UNK: variants seen among roughly 807,000 people sequenced by gnomAD.
UNK encodes the protein RING finger protein unkempt homolog.
A neutral mutation model predicts 97.6 loss-of-function variants in UNK; 32 were observed. The observed-to-expected ratio is 0.33, with a 90% CI of 0.25 to 0.44. The LOEUF (loss-of-function observed/expected upper bound fraction) is 0.44. Among genes scored for constraint, UNK ranks in the 20% least tolerant of loss-of-function variants. UNK has a pLI of 1.00. For synonymous variants in UNK, 441 were observed against 461.2 expected (o/e 0.96, Z 0.56); for missense variants, 771 against 1,098.4 (o/e 0.70, Z 4.21).
chr17:75,793,087 G>A (rs1002420634), intron 1 of UNK, among the ~76,000 whole-genome samples: 5 of 152,342 alleles, frequency 3.3e-5, no homozygotes, highest in African/African-American at 1.2e-4. Flanking sequence ...CAGAAAACAA[G>A]TTTGAGACTC....
intron 1 of UNK, among the ~76,000 whole-genome samples, chr17:75,803,121 G>T (rs1377424278): frequency 6.7e-6 from 1 of 149,450 alleles, no homozygotes; most frequent in African/African-American, 2.5e-5. Context: ...ATTACAGGCC[G>T]GACGCGGTGG....
intron 2 of UNK, among the ~76,000 whole-genome samples, 199 bp downstream of exon 2, chr17:75,810,168 A>G (rs2061955524): frequency 6.6e-6 from 1 of 152,206 alleles, no homozygotes; most frequent in Non-Finnish European, 1.5e-5. Context: ...CACTTTTAGG[A>G]AACCTAAGAC....
chr17:75,820,751 G>A (rs924046483), intron 13 of UNK, among the ~76,000 whole-genome samples: 1 of 152,210 alleles, frequency 6.6e-6, no homozygotes. Context: ...GTCAGGGGAT[G>A]TTCCTGAGGG....
At chr17:75,811,438 G>C (rs1385091508) in intron 2 of UNK, among the ~76,000 whole-genome samples, 1 of 152,182 alleles carries the variant, frequency 6.6e-6, no homozygotes, top group East Asian at 1.9e-4. Context: ...AAGGCTTGCT[G>C]ACCCTACCCC....
At chr17:75,789,451 C>T (rs1031651568) in intron 1 of UNK, among the ~76,000 whole-genome samples, 1 of 152,104 alleles carries the variant, frequency 6.6e-6, no homozygotes, top group African/African-American at 2.4e-5. Flanking sequence ...ATTCTTCTGC[C>T]TCAGCCTCCC....
chr17:75,811,714 C>T (rs1447152700), intron 2 of UNK, among the ~76,000 whole-genome samples: 1 of 152,296 alleles, frequency 6.6e-6, no homozygotes, highest in East Asian at 1.9e-4. Flanking sequence ...AAAGGCCAGG[C>T]GCAGTGGCTC....
At chr17:75,792,485 T>G in intron 1 of UNK, 1 of 985,382 alleles carries the variant, frequency 1.0e-6, no homozygotes, top group Non-Finnish European at 1.2e-6. Context: ...GAATGTAAGT[T>G]TCTCTGCCAT....
Position 75,813,824 on chromosome 17 carries a change from C to A in UNK, c.822C>A (p.Asn274Lys). The change falls in exon 6 of 16, where the codon AAC (asparagine) becomes AAA (lysine). Residue 274 changes from asparagine to lysine, a missense_variant. Around this residue, in one of 5 missense-constraint regions of UNK, gnomAD observed 246 missense variants for 440.7 expected, o/e 0.56. Coordinates refer to ENST00000589666, the MANE Select transcript of UNK (RefSeq NM_001080419.3). ...DEWGDPGKCE[N>K]GDACQYCHTR... is the part of the protein sequence containing the mutation. ...GGGGAGACCCTGGCAAGTGTGAGAACGGAGACGCCTGCCAGTACTGCCACA... is the reference window on the plus strand; with the variant it reads ...GGGGAGACCCTGGCAAGTGTGAGAAAGGAGACGCCTGCCAGTACTGCCACA... 1 of 1,597,152 alleles carries A rather than the reference C, an allele frequency of 6.3e-7. No individual in the cohort carries two copies. Among genetic ancestry groups the A allele is most frequent in the Non-Finnish European group, 8.5e-7 (1 of 1,173,002 alleles).
In UNK at chr17:75,817,397, G is replaced by T; in HGVS notation, c.1176G>T (p.Lys392Asn). Residue 392 changes from lysine to asparagine, a missense_variant, in exon 9 of 16, where the codon AAG (lysine) becomes AAT (asparagine). By Grantham distance (94) the Lys-to-Asn change is moderately conservative. Transcript: ENST00000589666. The surrounding 1 kb of genome is among the most constrained non-coding windows in gnomAD (Gnocchi z 5.8). ...LCGSPPGSIR[K>N]PPNLEGIVFP... ...GCTCCCCACCGGGCTCCATCAGGAA[G>T]CCCCCAAACCTGGAGGGCATCGTCT... 1 of 1,611,674 alleles carries T rather than the reference G, an allele frequency of 6.2e-7. No homozygotes were observed. Among genetic ancestry groups the T allele is most frequent in the Non-Finnish European group, 8.5e-7 (1 of 1,178,550 alleles).
Position 75,819,479 on chromosome 17 carries a change from A to C in UNK, c.1547-205A>C. 1 of 590,456 alleles carries C rather than the reference A, an allele frequency of 1.7e-6. No homozygotes were observed. Among genetic ancestry groups the C allele is most frequent in the Non-Finnish European group, 3.0e-6 (1 of 331,188 alleles). 36.6% of individuals were successfully genotyped at this position (590,456 alleles called of 1,614,324 possible). A position where few individuals can be genotyped will look rare whatever the true frequency, so the allele number is the denominator to read the frequency against. On this transcript the variant is annotated intron_variant, in intron 11 of 15. Transcript: ENST00000589666. This position sits in a 1 kb window ranked among gnomAD's most constrained non-coding sequence, Gnocchi z 5.4. ...CAAAGAAGATTCAGAAAGGAGAGGC[A>C]TTTGGGTTGGACATGACTGGCAGAC...
Position 75,811,784 on chromosome 17 carries a change from C to G in UNK, c.315-328C>G, listed in dbSNP as rs141816572. Reference sequence around the variant, plus strand: ...TGGGCAGATCATGAGGTCAGGAGATCGAGACCATCCTGGCCAACATGGTGA... The same window carrying G: ...TGGGCAGATCATGAGGTCAGGAGATGGAGACCATCCTGGCCAACATGGTGA... On this transcript the variant is annotated intron_variant, in intron 2 of 15. Coordinates refer to ENST00000589666, the MANE Select transcript of UNK (RefSeq NM_001080419.3). Among the ~76,000 whole-genome samples the G allele has an allele frequency of 6.3e-3, 953 of 152,178 alleles. 8 individuals are homozygous for G. Among genetic ancestry groups the G allele is most frequent in the African/African-American group, 0.021 (881 of 41,512 alleles).
At chr17:75,822,340 T>C in intron 13 of UNK, 137 bp from the exon 14 acceptor site, 1 of 1,101,898 alleles carries the variant, frequency 9.1e-7, no homozygotes, top group Non-Finnish European at 1.3e-6. Context: ...CCCTGCAAAA[T>C]TCTCTGGCCT....
chr17:75,820,224 C>T (rs2062054764), intron 13 of UNK, 116 bp downstream of exon 13: 4 of 1,118,378 alleles, frequency 3.6e-6, no homozygotes, highest in Non-Finnish European at 5.1e-6. Context: ...AGGGCAGAGG[C>T]CTTGGGCGAG....
intron 1 of UNK, among the ~76,000 whole-genome samples, chr17:75,806,456 CCGTCT>C: frequency 6.8e-6 from 1 of 146,372 alleles, no homozygotes; most frequent in Non-Finnish European, 1.5e-5. Context: ...GAGGGAGACT[CCGTCT>C]CAAAAAAAAA....
At chr17:75,793,013 A>T (rs1237847830) in intron 1 of UNK, among the ~76,000 whole-genome samples, 1 of 152,190 alleles carries the variant, frequency 6.6e-6, no homozygotes, top group Non-Finnish European at 1.5e-5. Context: ...CTGTGTATCT[A>T]TTCTAGTTGA....
chr17:75,822,992 C>T (rs1203872715), intron 14 of UNK, among the ~76,000 whole-genome samples: 1 of 152,206 alleles, frequency 6.6e-6, no homozygotes, highest in Non-Finnish European at 1.5e-5. Flanking sequence ...CTGCAGCCGG[C>T]TACCCTATGG....
chr17:75,813,663 C>T, intron 5 of UNK, 98 bp from the exon 6 acceptor site: 14 of 1,039,360 alleles, frequency 1.3e-5, no homozygotes, highest in Non-Finnish European at 1.7e-5. Context: ...TTTTCCATTT[C>T]TGTGCTCATG....
At chr17:75,799,233 G>T (rs919698898) in intron 1 of UNK, among the ~76,000 whole-genome samples, 2 of 152,146 alleles carry the variant, frequency 1.3e-5, no homozygotes, top group African/African-American at 4.8e-5. Context: ...GATTGCTTGA[G>T]CCTGGGAGGC....
At position 75,815,304 on chromosome 17, in the gene UNK, G is replaced by A. The variant is rs575270935; in HGVS notation, c.961+51G>A. 2.3e-4 allele frequency: 362 copies of A among 1,551,430 alleles called. 2 individuals are homozygous for A. The East Asian group carries it at 6.8e-3, about 29-fold the overall frequency. On this transcript the variant is annotated intron_variant, in intron 7 of 15. Transcript: ENST00000589666. ...CAGTGCCCTCTCCCACCCCTCCCTCGCCTGGCTAGCTCAGGCTTAGGCCGG... is the reference window on the plus strand; with the variant it reads ...CAGTGCCCTCTCCCACCCCTCCCTCACCTGGCTAGCTCAGGCTTAGGCCGG...
Sources: gnomAD v4.1 joint callset for allele counts (sites outside exome capture counted in the v4.1 genomes callset) on GRCh38, gnomAD v4.1.1 for gene constraint, gnomAD v4.1.1 regional missense constraint, Gnocchi (gnomAD v3.1) non-coding constraint, MANE v1.5 for transcripts, NCBI Gene and HGNC (gene_info 2026-07-23, HGNC 2026-07-21) for gene names.